ANTXR1: variants seen among roughly 807,000 people sequenced by gnomAD.
The protein encoded by ANTXR1 is anthrax toxin receptor 1.
ANTXR1 carries 19 observed loss-of-function variants against 78.1 expected under a neutral mutation model. That is an observed-to-expected ratio of 0.24 (90% CI 0.17 to 0.36). The LOEUF (loss-of-function observed/expected upper bound fraction) is 0.36. Among genes scored for constraint, ANTXR1 ranks in the 10% least tolerant of loss-of-function variants. The pLI is 1.00. For synonymous variants in ANTXR1, 273 were observed against 260.5 expected, an observed-to-expected ratio of 1.05 and a Z score of -0.46; for missense variants, 518 against 718.6, an observed-to-expected ratio of 0.72 and a Z score of 3.19.
intron 1 of ANTXR1, among the ~76,000 whole-genome samples, chr2:69,017,471 T>C (rs1016405715): frequency 1.1e-4 from 16 of 152,192 alleles, no homozygotes; most frequent in African/African-American, 3.6e-4. Flanking sequence ...TCCCATGACA[T>C]TAAATCTCAG....
chr2:69,109,316 A>G (rs1405410268), intron 10 of ANTXR1, among the ~76,000 whole-genome samples: 1 of 152,238 alleles, frequency 6.6e-6, no homozygotes, highest in African/African-American at 2.4e-5. Flanking sequence ...TCATCTTAAT[A>G]TCTACTTTTA....
intron 12 of ANTXR1, chr2:69,135,001 T>C: frequency 2.5e-6 from 1 of 405,652 alleles, no homozygotes; most frequent in Non-Finnish European, 5.1e-6. Flanking sequence ...ACAGGATGGC[T>C]TGTGGTTTTA....
intron 10 of ANTXR1, among the ~76,000 whole-genome samples, chr2:69,117,234 C>A (rs542809380): frequency 3.0e-4 from 45 of 152,212 alleles, no homozygotes; most frequent in Non-Finnish European, 6.0e-4. Flanking sequence ...GGTGTGCTTC[C>A]AGCTACATTA....
intron 12 of ANTXR1, among the ~76,000 whole-genome samples, chr2:69,141,374 G>A (rs1297926359): frequency 6.6e-6 from 1 of 152,214 alleles, no homozygotes; most frequent in Non-Finnish European, 1.5e-5. Flanking sequence ...TAAAGAAAAA[G>A]AAGTCTTACA....
intron 17 of ANTXR1, 73 bp downstream of exon 17, chr2:69,193,488 C>CAT: frequency 2.3e-6 from 3 of 1,279,716 alleles, no homozygotes; most frequent in South Asian, 2.4e-5. Context: ...CACACACACA[C>CAT]ACATATTCTT....
chr2:69,048,702 T>C (rs58654528), intron 3 of ANTXR1, among the ~76,000 whole-genome samples: 13,135 of 152,206 alleles, frequency 0.086, 1,177 homozygotes, highest in East Asian at 0.24. Context: ...TTCTGTCTGT[T>C]TCTATAGTTG....
In ANTXR1 at chr2:69,070,517, T is replaced by G. The variant is rs147628693; in HGVS notation, c.297-130T>G. The G allele has an allele frequency of 1.1e-4, 89 of 831,458 alleles. 2 individuals are homozygous for G. The East Asian group carries it at 2.2e-3, about 20-fold the overall frequency. The allele number at this position is 831,458 out of a possible 1,614,324, so 51.5% of individuals were successfully genotyped here. A position where few individuals can be genotyped will look rare whatever the true frequency, so the allele number is the denominator to read the frequency against. On this transcript the variant is annotated intron_variant, in intron 3 of 17. Transcript: ENST00000303714. The stretch of plus-strand genomic sequence containing the variant: ...GATAATATAAAGGCCTTCCCTTTGA[T>G]AGGCTTTTGGGGAATTACTGGGACT...
At chr2:69,015,949 T>C (rs1671013132) in intron 1 of ANTXR1, among the ~76,000 whole-genome samples, 1 of 150,468 alleles carries the variant, frequency 6.6e-6, no homozygotes, top group Non-Finnish European at 1.5e-5. Flanking sequence ...AAAAAGGTCG[T>C]TATTAATCAA....
At chr2:69,234,576 C>G (rs1675704524) in intron 17 of ANTXR1, among the ~76,000 whole-genome samples, 1 of 152,080 alleles carries the variant, frequency 6.6e-6, no homozygotes, top group Non-Finnish European at 1.5e-5. Context: ...CGAGACCAGC[C>G]TGACCAACGT....
In ANTXR1 at chr2:69,222,621, G is replaced by T. The variant is rs552095113; in HGVS notation, c.1435-22604G>T. On this transcript the variant is annotated intron_variant, in intron 17 of 17. Coordinates refer to ENST00000303714, the MANE Select transcript of ANTXR1 (RefSeq NM_032208.3). ...AACAGCAGACCGGAAGGGGGCTGGG[G>T]GTGACCCTGGAGTCACTGGATGGTG... is the stretch of plus-strand genomic sequence containing the variant. Among the ~76,000 whole-genome samples, 31 of 152,330 alleles carry T rather than the reference G, an allele frequency of 2.0e-4. 1 individual carries two copies. The South Asian group carries it at 4.1e-3, about 20-fold the overall frequency.
intron 10 of ANTXR1, chr2:69,103,213 A>G: frequency 4.2e-6 from 2 of 474,864 alleles, no homozygotes; most frequent in Non-Finnish European, 7.8e-6. Flanking sequence ...CAGAGCCACA[A>G]GCCCCAGCCC....
chr2:69,021,400 A>G (rs1224071688), intron 1 of ANTXR1, among the ~76,000 whole-genome samples: 1 of 152,246 alleles, frequency 6.6e-6, no homozygotes, highest in African/African-American at 2.4e-5. Context: ...CCCGAATCTC[A>G]GTTACACAAA....
At chr2:69,135,226 C>T (rs985690885) in intron 12 of ANTXR1, 1 of 186,486 alleles carries the variant, frequency 5.4e-6, no homozygotes, top group Non-Finnish European at 1.2e-5. Context: ...AATTGACTTT[C>T]AATATGTTTA....
intron 12 of ANTXR1, among the ~76,000 whole-genome samples, chr2:69,147,581 C>G (rs1455913253): frequency 6.6e-6 from 1 of 152,210 alleles, no homozygotes; most frequent in African/African-American, 2.4e-5. Context: ...GTCTCAACTT[C>G]TGTTGCATCT....
At chr2:69,026,632 G>A (rs1471917926) in intron 1 of ANTXR1, among the ~76,000 whole-genome samples, 2 of 152,176 alleles carry the variant, frequency 1.3e-5, no homozygotes, top group Non-Finnish European at 2.9e-5. Flanking sequence ...CTGAAAACAA[G>A]CCATATACTT....
intron 10 of ANTXR1, among the ~76,000 whole-genome samples, chr2:69,104,465 T>C (rs1453481767): frequency 2.6e-5 from 4 of 152,204 alleles, no homozygotes; most frequent in Non-Finnish European, 5.9e-5. Context: ...ATCCAAAAAG[T>C]ACGTGCTATT....
chr2:69,128,907 T>G (rs1053360289), intron 12 of ANTXR1, among the ~76,000 whole-genome samples: 4 of 152,208 alleles, frequency 2.6e-5, no homozygotes, highest in Non-Finnish European at 5.9e-5. Context: ...CTTTTCTCAC[T>G]TTATTTGGTG....
chr2:69,040,255 CTGTT>C, intron 2 of ANTXR1, 140 bp downstream of exon 2: 3 of 750,774 alleles, frequency 4.0e-6, no homozygotes, highest in Non-Finnish European at 4.6e-6. Context: ...GGACCAGAGA[CTGTT>C]TGCTTTGTTT....
intron 3 of ANTXR1, among the ~76,000 whole-genome samples, chr2:69,070,286 G>A (rs1670528002): frequency 6.6e-6 from 1 of 152,136 alleles, no homozygotes; most frequent in South Asian, 2.1e-4. Context: ...ACCTCTTTCT[G>A]GCTCACATGA....
Sources: allele counts gnomAD v4.1 joint callset (sites outside exome capture counted in the v4.1 genomes callset), GRCh38; gene constraint gnomAD v4.1.1; transcripts MANE v1.5; gene names NCBI Gene and HGNC (gene_info 2026-07-23, HGNC 2026-07-21).